Variants in SLC27A6 observed in about 807,000 individuals in gnomAD.
SLC27A6 encodes the protein long-chain fatty acid transport protein 6.
A neutral mutation model predicts 63.9 loss-of-function variants in SLC27A6; 74 were observed. That is an observed-to-expected ratio of 1.16 (90% confidence interval 0.96 to 1.40). SLC27A6 has a LOEUF of 1.40. Among genes scored for constraint, SLC27A6 ranks in the 40% most tolerant of loss-of-function variants. The pLI is 0.00. For missense variants in SLC27A6, 794 were observed against 732.9 expected, an observed-to-expected ratio of 1.08 and a Z score of -0.96; for synonymous variants, 287 against 260.8, an observed-to-expected ratio of 1.10 and a Z score of -0.97.
chr5:129,029,408 G>A (rs1177151768), intron 8 of SLC27A6, among the ~76,000 whole-genome samples, 169 bp from the exon 9 acceptor site: 1 of 151,970 alleles, frequency 6.6e-6, no homozygotes, highest in Non-Finnish European at 1.5e-5. Context: ...TGATTTCTAG[G>A]GGGTAAATCA....
intron 4 of SLC27A6, 41 bp downstream of exon 4, chr5:128,990,505 A>G (rs1750942701): frequency 1.9e-6 from 3 of 1,565,576 alleles, no homozygotes; most frequent in African/African-American, 1.4e-5. Flanking sequence ...GTCAGAAAGA[A>G]TAAGTATTGA....
chr5:129,014,500 G>T (rs1354466004), intron 4 of SLC27A6, among the ~76,000 whole-genome samples: 2 of 152,152 alleles, frequency 1.3e-5, no homozygotes, highest in East Asian at 3.9e-4. Flanking sequence ...GAACAGGTAT[G>T]CATGACCTGG....
At chr5:128,971,041 G>T (rs1286460762) in intron 1 of SLC27A6, among the ~76,000 whole-genome samples, 1 of 152,168 alleles carries the variant, frequency 6.6e-6, no homozygotes, top group Non-Finnish European at 1.5e-5. Context: ...GGAGCAGGTT[G>T]TTCAGTTTCC....
At chr5:128,972,114 G>A (rs892025161) in intron 1 of SLC27A6, among the ~76,000 whole-genome samples, 78 of 152,266 alleles carry the variant, frequency 5.1e-4, no homozygotes, top group Non-Finnish European at 9.4e-4. Flanking sequence ...GGCTTGTAGA[G>A]TTTCTGCCAA....
intron 5 of SLC27A6, among the ~76,000 whole-genome samples, chr5:129,022,466 T>C (rs1752105891): frequency 6.6e-6 from 1 of 152,222 alleles, no homozygotes; most frequent in African/African-American, 2.4e-5. Context: ...TAAATAATAC[T>C]ATTGCATCTA....
At chr5:129,016,588 TTCTC>T (rs1205185908) in intron 5 of SLC27A6, among the ~76,000 whole-genome samples, 1 of 151,808 alleles carries the variant, frequency 6.6e-6, no homozygotes. Context: ...CTTCTGTATT[TTCTC>T]TCTCATATCA....
At chr5:129,021,117 G>A (rs1328541958) in intron 5 of SLC27A6, among the ~76,000 whole-genome samples, 6 of 149,950 alleles carry the variant, frequency 4.0e-5, no homozygotes, top group Non-Finnish European at 7.4e-5. Flanking sequence ...CAAAGCCCCC[G>A]GCCTACCTCA....
At chr5:128,970,210 T>G (rs1296210551) in intron 1 of SLC27A6, among the ~76,000 whole-genome samples, 2 of 141,972 alleles carry the variant, frequency 1.4e-5, no homozygotes, top group Admixed American at 1.4e-4. Flanking sequence ...ATCAAGGATA[T>G]TGGTCTAAAA....
At chr5:128,987,423 G>T (rs1189959624) in intron 2 of SLC27A6, among the ~76,000 whole-genome samples, 1 of 152,050 alleles carries the variant, frequency 6.6e-6, no homozygotes, top group Non-Finnish European at 1.5e-5. Flanking sequence ...AATATAAACT[G>T]ATAGTCAGTA....
At chr5:129,009,622 A>T (rs1751657273) in intron 4 of SLC27A6, among the ~76,000 whole-genome samples, 1 of 151,920 alleles carries the variant, frequency 6.6e-6, no homozygotes, top group East Asian at 1.9e-4. Flanking sequence ...TAGCTTTCTA[A>T]TGTCTATCAC....
intron 4 of SLC27A6, among the ~76,000 whole-genome samples, chr5:129,007,693 A>G (rs897837030): frequency 2.0e-5 from 3 of 152,048 alleles, no homozygotes; most frequent in Non-Finnish European, 4.4e-5. Context: ...CCTCTCCTCA[A>G]TAAGATATAA....
intron 4 of SLC27A6, among the ~76,000 whole-genome samples, chr5:129,011,059 ATGGATT>A (rs1751710454): frequency 6.6e-6 from 1 of 152,128 alleles, no homozygotes; most frequent in Admixed American, 6.5e-5. Context: ...TTTACTATTG[ATGGATT>A]TGGATTGCTT....
chr5:128,986,130 A>C (rs1408410313), intron 2 of SLC27A6, among the ~76,000 whole-genome samples: 1 of 152,094 alleles, frequency 6.6e-6, no homozygotes, highest in Admixed American at 6.6e-5. Context: ...TAGGCAACAC[A>C]GTGAGACCTC....
At chr5:128,968,822 A>G (rs539497520) in intron 1 of SLC27A6, among the ~76,000 whole-genome samples, 1 of 152,220 alleles carries the variant, frequency 6.6e-6, no homozygotes, top group African/African-American at 2.4e-5. Flanking sequence ...GGTGTTTTAG[A>G]CATGAAGTCC....
chr5:128,992,112 TATTG>T, intron 4 of SLC27A6, among the ~76,000 whole-genome samples: 2 of 143,098 alleles, frequency 1.4e-5, no homozygotes, highest in African/African-American at 2.9e-5. Flanking sequence ...TAGAGTAGGA[TATTG>T]CCCTACGTGG....
At position 129,023,648 on chromosome 5, in the gene SLC27A6, A is replaced by G. The variant is rs1251086842; in HGVS notation, c.1193A>G (p.Tyr398Cys). 2 of 1,608,256 alleles carry G rather than the reference A, an allele frequency of 1.2e-6. No individual in the cohort carries two copies. The highest frequency in any genetic ancestry group is 1.7e-6 in the Non-Finnish European group (2 of 1,177,842). ...KLLSTFDLIK[Y>C]DFQKDEPMRN... Reference sequence around the variant, plus strand: ...CTTTCCACTTTTGACTTAATAAAGTATGACTTTCAGAAAGATGAACCCATG... The same window carrying G: ...CTTTCCACTTTTGACTTAATAAAGTGTGACTTTCAGAAAGATGAACCCATG... Residue 398 changes from tyrosine to cysteine, a missense_variant, in exon 6 of 10, where the codon TAT becomes TGT. Tyr to Cys is a radical substitution (Grantham distance 194). Transcript: ENST00000262462.
intron 5 of SLC27A6, among the ~76,000 whole-genome samples, chr5:129,019,756 G>A (rs1227383167): frequency 1.3e-5 from 2 of 151,968 alleles, no homozygotes; most frequent in Admixed American, 6.6e-5. Context: ...GGAGAAAGAT[G>A]AGTGGAATTA....
rs550659921 is a variant in SLC27A6 at position 129,023,604 on chromosome 5, A to ATTT, written c.1165-7_1165-5dup. The ATTT allele has an allele frequency of 8.7e-4, 1,148 of 1,317,918 alleles. No individual in the cohort carries two copies. The highest frequency in any genetic ancestry group is 3.3e-3 in the East Asian group (132 of 40,086). The allele number at this position is 1,317,918 out of a possible 1,614,324, so 81.6% of individuals were successfully genotyped here. ...CTAAATGCTTGTTTCTATTTGTTTG[A>ATTT]TTTTTTTTTTTGCAGCTTCTTTCCA... is the stretch of plus-strand genomic sequence containing the variant. On this transcript the variant is annotated splice_polypyrimidine_tract_variant and intron_variant, in intron 5 of 9. Transcript: ENST00000262462.
intron 1 of SLC27A6, among the ~76,000 whole-genome samples, chr5:128,984,288 C>T (rs1750710300): frequency 1.3e-5 from 2 of 152,092 alleles, no homozygotes; most frequent in African/African-American, 4.8e-5. Context: ...GTGTTGGTTA[C>T]CTCAGTGCTT....
Sources: allele counts gnomAD v4.1 joint callset (sites outside exome capture counted in the v4.1 genomes callset), GRCh38; gene constraint gnomAD v4.1.1; transcripts MANE v1.5; gene names NCBI Gene and HGNC (gene_info 2026-07-23, HGNC 2026-07-21).